The following MYBPC3 variants were observed in gnomAD, a reference collection of about 807,000 sequenced individuals.
MYBPC3 encodes myosin binding protein C3, also known as myosin-binding protein C, cardiac-type.
A neutral mutation model predicts 159.3 loss-of-function variants in MYBPC3; 108 were observed. The observed-to-expected ratio is 0.68, with a 90% CI of 0.58 to 0.80. The LOEUF is 0.80. MYBPC3 is among the 30% of genes least tolerant of loss of function. The pLI is 0.00. For missense variants in MYBPC3, 1,631 were observed against 1,762.1 expected, an observed-to-expected ratio of 0.93 and a Z score of 1.33; for synonymous variants, 730 against 702.0, an observed-to-expected ratio of 1.04 and a Z score of -0.63.
Position 47,339,756 on chromosome 11 carries a change from G to T in MYBPC3, c.1962C>A (p.Arg654=). 1 of 1,613,946 alleles carries T rather than the reference G, an allele frequency of 6.2e-7. No homozygotes were observed. Among genetic ancestry groups the T allele is most frequent in the South Asian group, 1.1e-5 (1 of 91,090 alleles). ...PPKIHLDCPG[R]IPDTIVVVAG... ...CTACAACCACAATGGTGTCTGGTAT[G>T]CGGCCTGGGCAGTCCAGGTGGATCT... The change falls in exon 21 of 35, where the codon CGC becomes CGA. Residue 654 remains arginine (R), a synonymous_variant. Coordinates refer to ENST00000545968, the MANE Select transcript of MYBPC3 (RefSeq NM_000256.3).
intron 5 of MYBPC3, among the ~76,000 whole-genome samples, chr11:47,349,529 A>G (rs1565630780): frequency 7.1e-6 from 1 of 140,794 alleles, no homozygotes; most frequent in African/African-American, 2.7e-5. Context: ...TGAGGTGATC[A>G]TGTCCACCAA....
At chr11:47,331,770 T>C in intron 34 of MYBPC3, 54 bp from the exon 35 acceptor site, 1 of 1,463,454 alleles carries the variant, frequency 6.8e-7, no homozygotes, top group Non-Finnish European at 9.3e-7. Context: ...GCCTCCCATT[T>C]ACTGATGGCT....
rs764381544 is a variant in MYBPC3 at position 47,347,685 on chromosome 11, G to C, written c.822-5C>G. The C allele has an allele frequency of 3.2e-6, 5 of 1,570,846 alleles. No individual in the cohort carries two copies. The highest frequency in any genetic ancestry group is 3.7e-5 in the Admixed American group (2 of 53,558). ...CGACCACCTCCAGCCAGGCTCCTGT[G>C]GGGGTTAGACTCAGTATCCTCACCT... On this transcript the variant is annotated splice_polypyrimidine_tract_variant and splice_region_variant and intron_variant, in intron 7 of 34. Transcript: ENST00000545968.
In MYBPC3 at chr11:47,332,026, G is replaced by A. The variant is rs555554960; in HGVS notation, c.3814+46C>T. The A allele has an allele frequency of 1.3e-5, 21 of 1,599,426 alleles. No individual in the cohort carries two copies. Among genetic ancestry groups the A allele is most frequent in the Admixed American group, 6.8e-5 (4 of 58,830 alleles). On this transcript the variant is annotated intron_variant, in intron 33 of 34. Coordinates refer to ENST00000545968, the MANE Select transcript of MYBPC3 (RefSeq NM_000256.3). The surrounding 1 kb of genome is among the most constrained non-coding windows in gnomAD (Gnocchi z 4.2). Reference sequence around the variant, plus strand: ...AGCAAAGCCCAGGGTCCCCACTGCCGCCCGCTCTTCCCATCTCCCAGGCCC... The same window carrying A: ...AGCAAAGCCCAGGGTCCCCACTGCCACCCGCTCTTCCCATCTCCCAGGCCC...
chr11:47,338,345 C>T lies in MYBPC3; in HGVS notation c.2308+175G>A, dbSNP rs2095884669. Among the ~76,000 whole-genome samples, 1 of 152,248 alleles carries T rather than the reference C, an allele frequency of 6.6e-6. No individual in the cohort carries two copies. On this transcript the variant is annotated intron_variant, in intron 23 of 34. Transcript: ENST00000545968. This position sits in a 1 kb window ranked among gnomAD's most constrained non-coding sequence, Gnocchi z 4.7. ...GTCGCAGGAAATCTGCTGGATGCAT[C>T]TGCCTCCATCTCCCCCAGAGCGGGG... is the stretch of plus-strand genomic sequence containing the variant.
chr11:47,350,784 C>G (rs137870599), intron 2 of MYBPC3, among the ~76,000 whole-genome samples, 169 bp from the exon 3 acceptor site: 218 of 152,320 alleles, frequency 1.4e-3, no homozygotes, highest in Middle Eastern at 3.4e-3. Context: ...AGCTGGAGAG[C>G]CAGCCTGCCT....
At chr11:47,334,377 T>C (rs2095880278) in intron 27 of MYBPC3, among the ~76,000 whole-genome samples, 1 of 152,202 alleles carries the variant, frequency 6.6e-6, no homozygotes, top group South Asian at 2.1e-4. Flanking sequence ...TTACAAAAGA[T>C]GGACCCTTTG....
At position 47,343,483 on chromosome 11, in the gene MYBPC3, A is replaced by G; in HGVS notation, c.1223+9T>C. 3.9e-6 allele frequency: 5 copies of G among 1,279,572 alleles called. No individual in the cohort carries two copies. Among genetic ancestry groups the G allele is most frequent in the East Asian group, 4.0e-5 (1 of 25,304 alleles). The allele number at this position is 1,279,572 out of a possible 1,614,324, so 79.3% of individuals were successfully genotyped here. On this transcript the variant is annotated intron_variant, in intron 13 of 34. Coordinates refer to ENST00000545968, the MANE Select transcript of MYBPC3 (RefSeq NM_000256.3). ...CCACCCGAGCCCCCCTCCCCACCCC[A>G]GGCTGCACCTGCCGCTCATCTGGAT... is the stretch of plus-strand genomic sequence containing the variant.
Position 47,331,631 on chromosome 11 carries a change from A to G in MYBPC3, c.*112T>C. The G allele has an allele frequency of 1.8e-6, 1 of 567,390 alleles. No individual in the cohort carries two copies. Among genetic ancestry groups the G allele is most frequent in the Non-Finnish European group, 3.1e-6 (1 of 319,642 alleles). 35.1% of individuals were successfully genotyped at this position (567,390 alleles called of 1,614,324 possible). On this transcript the variant is annotated 3_prime_UTR_variant, in exon 35 of 35. Coordinates refer to ENST00000545968, the MANE Select transcript of MYBPC3 (RefSeq NM_000256.3). ...TCCCCCATCGCAGCACAGGAGACAC[A>G]CTTGTCACACATACATCCAACAGTA... is the stretch of plus-strand genomic sequence containing the variant.
chr11:47,351,325 C>A lies in MYBPC3; in HGVS notation c.206G>T (p.Arg69Leu). 6.3e-7 allele frequency: 1 copy of A among 1,591,670 alleles called. No homozygotes were observed. Among genetic ancestry groups the A allele is most frequent in the East Asian group, 2.3e-5 (1 of 43,318 alleles). ...TCCCTGGTCGGCAGGGCCCACTTCC[C>A]GCACTGTCAGCGTATGCCGTGTGCC... is the stretch of plus-strand genomic sequence containing the variant. The part of the protein sequence containing the change: ...TEGTRHTLTV[R>L]EVGPADQGSY... The change falls in exon 2 of 35, where the codon CGG becomes CTG. Residue 69 changes from arginine (R) to leucine (L), a missense_variant. By Grantham distance (102) the Arg-to-Leu change is moderately radical (BLOSUM62 -2). Transcript: ENST00000545968. This position sits in a 1 kb window ranked among gnomAD's most constrained non-coding sequence, Gnocchi z 4.2.
rs541719321 is a variant in MYBPC3 at position 47,351,729 on chromosome 11, G to A, written c.26-224C>T. On this transcript the variant is annotated intron_variant, in intron 1 of 34. Transcript: ENST00000545968. This position sits in a 1 kb window ranked among gnomAD's most constrained non-coding sequence, Gnocchi z 4.2. Reference sequence around the variant, plus strand: ...CTCCAAGATCACACAGCTAGCAGTCGGGAGAGCCAGGGCTGTGGTCCTGAC... The same window carrying A: ...CTCCAAGATCACACAGCTAGCAGTCAGGAGAGCCAGGGCTGTGGTCCTGAC... Among the ~76,000 whole-genome samples the A allele has an allele frequency of 6.6e-6, 1 of 152,180 alleles. No homozygotes were observed. The highest frequency in any genetic ancestry group is 2.4e-5 in the African/African-American group (1 of 41,436).
rs2095878381 is a variant in MYBPC3 at position 47,332,687 on chromosome 11, G to A, written c.3506C>T (p.Pro1169Leu). The stretch of plus-strand genomic sequence containing the variant: ...GAAGTCCAGGGCCTTATAGTTGGGT[G>A]GCTCATAGGTGATGCCTGTTGGTGA... ...FIPRPGITYEPPNYKALDFSE... is the reference protein window; with the variant it reads ...FIPRPGITYELPNYKALDFSE... Residue 1169 changes from proline (P) to leucine (L), a missense_variant, in exon 32 of 35, where the codon CCA (proline) becomes CTA (leucine). By Grantham distance (98) the Pro-to-Leu change is moderately conservative. Transcript: ENST00000545968. This position sits in a 1 kb window ranked among gnomAD's most constrained non-coding sequence, Gnocchi z 4.2. The A allele has an allele frequency of 6.2e-7, 1 of 1,611,056 alleles. No homozygotes were observed. The highest frequency in any genetic ancestry group is 8.5e-7 in the Non-Finnish European group (1 of 1,178,522).
In MYBPC3 at chr11:47,339,717, TA is replaced by T. The variant is rs1435955232; in HGVS notation, c.2000del (p.Leu667HisfsTer15). 28 of 1,613,802 alleles carry T rather than the reference TA, an allele frequency of 1.7e-5. No homozygotes were observed. The Admixed American group carries it at 4.7e-4, about 27-fold the overall frequency. On this transcript the variant is annotated frameshift_variant, in exon 21 of 35. Transcript: ENST00000545968. LOFTEE classifies it high-confidence loss of function. The part of the protein sequence containing the change: ...DTIVVVAGNK[L>X]RLDVPISGDP... The stretch of plus-strand genomic sequence containing the variant: ...CCCCAGAGATAGGGACGTCCAGACG[TA>T]GCTTATTTCCAGCTACAACCACAAT...
chr11:47,347,741 C>T (rs903011434), intron 7 of MYBPC3, 61 bp from the exon 8 acceptor site: 7 of 1,549,880 alleles, frequency 4.5e-6, no homozygotes, highest in African/African-American at 4.1e-5. Context: ...CCTGCAGCCC[C>T]CACTGACTTC....
intron 1 of MYBPC3, among the ~76,000 whole-genome samples, chr11:47,352,094 G>A (rs2095901506): frequency 6.6e-6 from 1 of 151,990 alleles, no homozygotes; most frequent in Non-Finnish European, 1.5e-5. Context: ...AGAGAAGAGG[G>A]GCTGTGTCAC....
chr11:47,348,908 T>TATATATATATATATATATATATATATATA (rs1555123221), intron 5 of MYBPC3, among the ~76,000 whole-genome samples: 4 of 39,884 alleles, frequency 1.0e-4, no homozygotes, highest in Non-Finnish European at 2.1e-4. Flanking sequence ...CTGTCTCAAA[T>TATATATATATATATATATATATATATATA]TATATATATA....
chr11:47,350,559 G>T lies in MYBPC3; in HGVS notation c.349C>A (p.Pro117Thr). The change falls in exon 3 of 35, where the codon CCT becomes ACT. Residue 117 changes from proline to threonine, a missense_variant. Physicochemically the swap from Pro to Thr is conservative, Grantham distance 38. Coordinates refer to ENST00000545968, the MANE Select transcript of MYBPC3 (RefSeq NM_000256.3). ...APAPAEATGAPGEAPAPAAEL... is the reference protein window; with the variant it reads ...APAPAEATGATGEAPAPAAEL... ...GCGGCTGGGGCCGGGGCTTCTCCAG[G>T]GGCTCCAGTGGCCTCAGCAGGGGCA... 6.5e-7 allele frequency: 1 copy of T among 1,545,584 alleles called. No individual in the cohort carries two copies. Among genetic ancestry groups the T allele is most frequent in the East Asian group, 2.4e-5 (1 of 42,110 alleles).
rs913700380 is a variant in MYBPC3 at position 47,338,979 on chromosome 11, C to T, written c.2149-300G>A. Among the ~76,000 whole-genome samples the T allele has an allele frequency of 6.6e-5, 10 of 152,192 alleles. No homozygotes were observed. Among genetic ancestry groups the T allele is most frequent in the Non-Finnish European group, 1.3e-4 (9 of 68,036 alleles). On this transcript the variant is annotated intron_variant, in intron 22 of 34. Coordinates refer to ENST00000545968, the MANE Select transcript of MYBPC3 (RefSeq NM_000256.3). The surrounding 1 kb of genome is among the most constrained non-coding windows in gnomAD (Gnocchi z 4.7). ...ACAGTGCCAGGCAGGAGCAAGACCC[C>T]GGCAGCTACACTGGCAGAAAAGTGT... is the stretch of plus-strand genomic sequence containing the variant.
intron 19 of MYBPC3, 48 bp downstream of exon 19, chr11:47,341,090 G>C (rs773319680): frequency 1.3e-6 from 2 of 1,565,446 alleles, no homozygotes; most frequent in South Asian, 2.3e-5. Flanking sequence ...AGTGACAGGG[G>C]CTCCTGGCCC....
Sources: allele counts gnomAD v4.1 joint callset (sites outside exome capture counted in the v4.1 genomes callset), GRCh38; gene constraint gnomAD v4.1.1; non-coding constraint Gnocchi (gnomAD v3.1); transcripts MANE v1.5; gene names NCBI Gene and HGNC (gene_info 2026-07-23, HGNC 2026-07-21).